GCAT: variants seen among roughly 807,000 people sequenced by gnomAD.
The protein encoded by GCAT is glycine C-acetyltransferase.
Under a neutral mutation model 39.7 loss-of-function variants are expected in GCAT, and 26 were observed. The observed-to-expected ratio is 0.65, with a 90% CI of 0.48 to 0.91. The LOEUF (loss-of-function observed/expected upper bound fraction) is 0.91. Among genes scored for constraint, GCAT ranks in the 40% least tolerant of loss-of-function variants. The pLI is 0.00. For synonymous variants in GCAT, 218 were observed against 237.2 expected (o/e 0.92, Z 0.74); for missense variants, 550 against 576.2 (o/e 0.95, Z 0.47).
chr22:37,812,961 T>C lies in GCAT; in HGVS notation c.402T>C (p.Cys134=). 1 of 1,613,622 alleles carries C rather than the reference T, an allele frequency of 6.2e-7. No individual in the cohort carries two copies. Among genetic ancestry groups the C allele is most frequent in the African/African-American group, 1.3e-5 (1 of 75,012 alleles). ...QREDAILYPS[C]YDANAGLFEA... ...AGGATGCCATCCTCTATCCCAGCTG[T>C]TATGACGCCAACGCCGGCCTCTTTG... Residue 134 remains cysteine, a synonymous_variant, in exon 3 of 9, where the codon TGT becomes TGC. Transcript: ENST00000248924.
intron 3 of GCAT, 179 bp downstream of exon 3, chr22:37,813,167 G>A (rs1204389746): frequency 3.1e-6 from 2 of 637,016 alleles, no homozygotes; most frequent in East Asian, 2.7e-5. Context: ...CCTGGGGCTT[G>A]CAGGGAGCCT....
At chr22:37,815,390 G>C (rs1314953448) in intron 5 of GCAT, 28 bp from the exon 6 acceptor site, 1 of 1,603,606 alleles carries the variant, frequency 6.2e-7, no homozygotes, top group Non-Finnish European at 8.5e-7. Flanking sequence ...CAGGAGGCCA[G>C]TGACAGCAGC....
chr22:37,813,395 G>A (rs1921815134), intron 3 of GCAT, 68 bp from the exon 4 acceptor site: 1 of 1,487,656 alleles, frequency 6.7e-7, no homozygotes, highest in Non-Finnish European at 9.2e-7. Context: ...TTGATTTGCT[G>A]GAGTCCCGGT....
intron 1 of GCAT, 143 bp downstream of exon 1, chr22:37,808,306 A>G (rs1378574899): frequency 3.1e-6 from 2 of 636,486 alleles, no homozygotes; most frequent in African/African-American, 2.0e-5. Flanking sequence ...ATGGCTTCCT[A>G]ATATTGACTC....
chr22:37,808,236 G>A, intron 1 of GCAT, 73 bp downstream of exon 1: 1 of 1,240,020 alleles, frequency 8.1e-7, no homozygotes, highest in Non-Finnish European at 1.1e-6. Context: ...CTGGAGGTGG[G>A]GGTGGGCGGC....
At chr22:37,808,243 C>T (rs1921190889) in intron 1 of GCAT, 80 bp downstream of exon 1, 5 of 1,164,946 alleles carry the variant, frequency 4.3e-6, no homozygotes, top group African/African-American at 1.6e-5. Context: ...TGGGGGTGGG[C>T]GGCTCCTACA....
rs760564414 is a variant in GCAT at position 37,816,598 on chromosome 22, G to A, written c.1140G>A (p.Val380=). ...TTGTCATCGGGTTCAGCTACCCCGT[G>A]GTCCCCAAGGGCAAGGCCCGGATCC... is the stretch of plus-strand genomic sequence containing the variant. The part of the protein sequence containing the change: ...GIFVIGFSYP[V]VPKGKARIRV... The change falls in exon 9 of 9, where the codon GTG becomes GTA. Residue 380 remains valine, a synonymous_variant. Coordinates refer to ENST00000248924, the MANE Select transcript of GCAT (RefSeq NM_014291.4). 3.7e-6 allele frequency: 6 copies of A among 1,614,172 alleles called. No homozygotes were observed. In the South Asian group the frequency reaches 4.4e-5, roughly 12 times the overall value.
intron 4 of GCAT, among the ~76,000 whole-genome samples, chr22:37,813,835 G>A (rs938594230): frequency 1.3e-5 from 2 of 150,836 alleles, no homozygotes; most frequent in Admixed American, 6.6e-5. Context: ...GTGTGATCTC[G>A]GCTCACTGCA....
At chr22:37,813,028 C>T in intron 3 of GCAT, 40 bp downstream of exon 3, 1 of 1,390,898 alleles carries the variant, frequency 7.2e-7, no homozygotes, top group Non-Finnish European at 1.0e-6. Context: ...TTGGTGGGGC[C>T]TGTTAGGCTG....
chr22:37,813,164 C>G (rs1921782966), intron 3 of GCAT, 176 bp downstream of exon 3: 1 of 637,766 alleles, frequency 1.6e-6, no homozygotes, highest in South Asian at 1.9e-5. Context: ...AATCCTGGGG[C>G]TTGCAGGGAG....
At chr22:37,812,597 G>T (rs554375057) in intron 2 of GCAT, among the ~76,000 whole-genome samples, 1 of 152,284 alleles carries the variant, frequency 6.6e-6, no homozygotes, top group East Asian at 1.9e-4. Flanking sequence ...TATGGTGTTA[G>T]GAAGACACAT....
At chr22:37,815,556 G>T in intron 6 of GCAT, 56 bp downstream of exon 6, 1 of 1,530,350 alleles carries the variant, frequency 6.5e-7, no homozygotes, top group Non-Finnish European at 9.0e-7. Flanking sequence ...GGCCCTGGAG[G>T]GGCTCAGGGA....
Position 37,815,689 on chromosome 22 carries a change from C to T in GCAT, c.841C>T (p.Leu281=), listed in dbSNP as rs1320765956. 9.3e-6 allele frequency: 15 copies of T among 1,613,066 alleles called. No homozygotes were observed. Among genetic ancestry groups the T allele is most frequent in the Middle Eastern group, 1.7e-4 (1 of 5,892 alleles). ...GGGCTACACGACAGGGCCTGGGCCC[C>T]TGGTGTCCCTGCTGCGGCAGCGCGC... is the stretch of plus-strand genomic sequence containing the variant. The part of the protein sequence containing the change: ...SGGYTTGPGP[L]VSLLRQRARP... Residue 281 remains leucine, a synonymous_variant, in exon 7 of 9, where the codon CTG becomes TTG. Coordinates refer to ENST00000248924, the MANE Select transcript of GCAT (RefSeq NM_014291.4).
intron 2 of GCAT, among the ~76,000 whole-genome samples, chr22:37,812,077 T>C (rs112968938): frequency 0.012 from 1,751 of 151,456 alleles, 35 homozygotes; most frequent in African/African-American, 0.04. Context: ...ACACCTGTAA[T>C]CCCAATACTT....
At chr22:37,813,241 G>A in intron 3 of GCAT, 1 of 687,120 alleles carries the variant, frequency 1.5e-6, no homozygotes, top group Non-Finnish European at 2.7e-6. Flanking sequence ...CGGGGGCCTG[G>A]TACTCACCAA....
chr22:37,813,054 T>G, intron 3 of GCAT, 66 bp downstream of exon 3: 2 of 1,134,774 alleles, frequency 1.8e-6, no homozygotes, highest in Non-Finnish European at 2.7e-6. Context: ...GGCTTGGGTG[T>G]GGGCAGTCGG....
At chr22:37,811,642 AC>A (rs1350235096) in intron 2 of GCAT, among the ~76,000 whole-genome samples, 1 of 151,926 alleles carries the variant, frequency 6.6e-6, no homozygotes, top group Non-Finnish European at 1.5e-5. Context: ...TAAGAAAATT[AC>A]AACTATTGGC....
chr22:37,813,674 C>T, intron 4 of GCAT, 65 bp downstream of exon 4: 2 of 1,416,928 alleles, frequency 1.4e-6, no homozygotes, highest in South Asian at 1.4e-5. Flanking sequence ...TTAGAGAGGC[C>T]AACTCCTCAC....
rs367782960 is a variant in GCAT at position 37,813,484 on chromosome 22, G to A, written c.451G>A (p.Ala151Thr). 31 of 1,605,688 alleles carry A rather than the reference G, an allele frequency of 1.9e-5. No homozygotes were observed. The African/African-American group carries it at 2.7e-4, about 14-fold the overall frequency. Residue 151 changes from alanine (A) to threonine (T), a missense_variant, in exon 4 of 9, where the codon GCA becomes ACA. Transcript: ENST00000248924. ...CCAGGCCCTGCTGACCCCAGAGGAC[G>A]CAGTCCTGTCGGACGAGCTGAACCA... The part of the protein sequence containing the change: ...LFEALLTPED[A>T]VLSDELNHAS...
Sources: gnomAD v4.1 joint callset for allele counts (sites outside exome capture counted in the v4.1 genomes callset) on GRCh38, gnomAD v4.1.1 for gene constraint, MANE v1.5 for transcripts, NCBI Gene and HGNC (gene_info 2026-07-23, HGNC 2026-07-21) for gene names.